The following COL21A1 variants were observed in gnomAD, a reference collection of about 807,000 sequenced individuals.
COL21A1 encodes collagen alpha-1(XXI) chain.
A neutral mutation model predicts 137.9 loss-of-function variants in COL21A1; 149 were observed. That is an observed-to-expected ratio of 1.08 (90% CI 0.95 to 1.24). The LOEUF (loss-of-function observed/expected upper bound fraction) is 1.24. Ranked by LOEUF, COL21A1 falls within the 50% of genes most tolerant of loss-of-function variation. The probability of loss-of-function intolerance (pLI) is 0.00; values close to 1 mark genes in which losing one functional copy is unlikely to be tolerated. For missense variants in COL21A1, 1,167 were observed against 1,158.4 expected, an observed-to-expected ratio of 1.01 and a Z score of -0.11; for synonymous variants, 456 against 391.5, an observed-to-expected ratio of 1.16 and a Z score of -1.95.
chr6:56,090,702 T>C (rs949184055), intron 17 of COL21A1, among the ~76,000 whole-genome samples: 1 of 152,024 alleles, frequency 6.6e-6, no homozygotes, highest in Non-Finnish European at 1.5e-5. Flanking sequence ...AATAGTTTTA[T>C]GTAGTAATAT....
chr6:56,185,067 A>C (rs1778175508), intron 1 of COL21A1, among the ~76,000 whole-genome samples: 1 of 152,108 alleles, frequency 6.6e-6, no homozygotes, highest in South Asian at 2.1e-4. Context: ...TTTGTGATAC[A>C]GCTAAAGCAG....
intron 1 of COL21A1, among the ~76,000 whole-genome samples, chr6:56,329,543 G>C (rs888015772): frequency 6.6e-6 from 1 of 152,046 alleles, no homozygotes; most frequent in Non-Finnish European, 1.5e-5. Flanking sequence ...TTTAGTTCAG[G>C]GGTGAGAGGA....
At chr6:56,335,826 C>T (rs1765319594) in intron 1 of COL21A1, among the ~76,000 whole-genome samples, 1 of 152,126 alleles carries the variant, frequency 6.6e-6, no homozygotes, top group Non-Finnish European at 1.5e-5. Flanking sequence ...GGGAGGCCTG[C>T]CATGGATACC....
chr6:56,294,552 T>C (rs1192257318), intron 1 of COL21A1, among the ~76,000 whole-genome samples: 1 of 152,092 alleles, frequency 6.6e-6, no homozygotes, highest in Non-Finnish European at 1.5e-5. Flanking sequence ...GGTATATTTG[T>C]TACAACTGAT....
intron 17 of COL21A1, among the ~76,000 whole-genome samples, chr6:56,092,621 TTATTGACTTGCTGAAGCCCAAA>T (rs1768947692): frequency 6.6e-6 from 1 of 152,200 alleles, no homozygotes; most frequent in Non-Finnish European, 1.5e-5. Flanking sequence ...ACAGACTTGT[TTATTGACTTGCTGAAGCCCAAA>T]TATTTTTGAT....
intron 12 of COL21A1, among the ~76,000 whole-genome samples, chr6:56,139,009 A>G (rs954585651): frequency 5.9e-5 from 9 of 152,292 alleles, no homozygotes; most frequent in African/African-American, 1.9e-4. Flanking sequence ...TGGACTCCAC[A>G]TGGACACTTC....
At chr6:56,128,940 C>T (rs532348650) in intron 12 of COL21A1, among the ~76,000 whole-genome samples, 10 of 152,186 alleles carry the variant, frequency 6.6e-5, no homozygotes, top group South Asian at 4.1e-4. Context: ...CAGGCATGAG[C>T]CACCATGCTC....
At chr6:56,353,164 T>C (rs569364966) in intron 1 of COL21A1, among the ~76,000 whole-genome samples, 2 of 152,326 alleles carry the variant, frequency 1.3e-5, no homozygotes, top group South Asian at 4.1e-4. Flanking sequence ...CCTATGAACA[T>C]GGGCTGGCTT....
At chr6:56,364,251 G>A (rs776939533) in intron 1 of COL21A1, among the ~76,000 whole-genome samples, 14 of 152,054 alleles carry the variant, frequency 9.2e-5, no homozygotes, top group Non-Finnish European at 1.8e-4. Context: ...CCTGGCAGAA[G>A]TAGCAGTGTC....
intron 1 of COL21A1, among the ~76,000 whole-genome samples, chr6:56,196,400 T>C (rs746648946): frequency 6.6e-6 from 1 of 152,028 alleles, no homozygotes; most frequent in African/African-American, 2.4e-5. Context: ...AATGAAGGCA[T>C]CCAAATTGGA....
chr6:56,141,686 A>C, intron 12 of COL21A1, 99 bp downstream of exon 12: 1 of 1,301,030 alleles, frequency 7.7e-7, no homozygotes, highest in Non-Finnish European at 1.1e-6. Context: ...AAATCTTAGA[A>C]TTCACCAAGA....
chr6:56,191,040 G>A (rs750674792), intron 1 of COL21A1, among the ~76,000 whole-genome samples: 6 of 152,084 alleles, frequency 3.9e-5, no homozygotes, highest in Admixed American at 1.3e-4. Context: ...TTTGAAAACC[G>A]TCACAAGACA....
chr6:56,260,844 T>C (rs1286140506), intron 1 of COL21A1, among the ~76,000 whole-genome samples: 1 of 22,464 alleles, frequency 4.5e-5, no homozygotes, highest in Non-Finnish European at 8.1e-5. Context: ...TTTACTTTAA[T>C]TCACTGTGTG....
chr6:56,285,260 C>T (rs185551604), intron 1 of COL21A1, among the ~76,000 whole-genome samples: 2 of 152,292 alleles, frequency 1.3e-5, no homozygotes, highest in Admixed American at 1.3e-4. Flanking sequence ...CAATGTGTTA[C>T]ATTTCAATGA....
At chr6:56,293,683 A>G (rs1764105040) in intron 1 of COL21A1, among the ~76,000 whole-genome samples, 1 of 152,140 alleles carries the variant, frequency 6.6e-6, no homozygotes, top group Non-Finnish European at 1.5e-5. Flanking sequence ...AAAATATCTT[A>G]TGGGAATCTT....
At chr6:56,274,752 C>T (rs768361798) in intron 1 of COL21A1, among the ~76,000 whole-genome samples, 3 of 152,084 alleles carry the variant, frequency 2.0e-5, no homozygotes, top group African/African-American at 4.8e-5. Flanking sequence ...ATATTCCATG[C>T]CTATGGATTA....
At chr6:56,289,216 T>A (rs958619465) in intron 1 of COL21A1, among the ~76,000 whole-genome samples, 3 of 152,224 alleles carry the variant, frequency 2.0e-5, no homozygotes, top group African/African-American at 7.2e-5. Context: ...AGGATATGCA[T>A]TAAGCACCAT....
At position 56,182,668 on chromosome 6, in the gene COL21A1, A is replaced by G. The variant is rs1243143937; in HGVS notation, c.-38-12T>C. On this transcript the variant is annotated splice_polypyrimidine_tract_variant and intron_variant, in intron 1 of 29. Transcript: ENST00000244728. ...TGGTTTTAGGATTCCTAGGGGGAAA[A>G]AAAAGGCAAGTTAAATATATTAATT... 4 of 1,210,500 alleles carry G rather than the reference A, an allele frequency of 3.3e-6. No homozygotes were observed. The highest frequency in any genetic ancestry group is 1.3e-5 in the South Asian group (1 of 75,746). 75.0% of individuals were successfully genotyped at this position (1,210,500 alleles called of 1,614,324 possible).
chr6:56,137,178 C>T, intron 12 of COL21A1, among the ~76,000 whole-genome samples: 1 of 152,128 alleles, frequency 6.6e-6, no homozygotes, highest in Admixed American at 6.6e-5. Flanking sequence ...TAATTTACTT[C>T]ACAATTAATC....
Sources: gnomAD v4.1 joint callset for allele counts (sites outside exome capture counted in the v4.1 genomes callset) on GRCh38, gnomAD v4.1.1 for gene constraint, MANE v1.5 for transcripts, NCBI Gene and HGNC (gene_info 2026-07-23, HGNC 2026-07-21) for gene names.